Variants in LRP1B observed in about 807,000 individuals in gnomAD.
LRP1B encodes the protein low-density lipoprotein receptor-related protein 1B.
A neutral mutation model predicts 556.6 loss-of-function variants in LRP1B; 217 were observed. The ratio of observed to expected loss-of-function variants is 0.39; its 90% CI spans 0.35 to 0.44. The LOEUF (loss-of-function observed/expected upper bound fraction) is 0.44. LRP1B is among the 20% of genes least tolerant of loss of function. LRP1B has a pLI of 1.00. For missense variants in LRP1B, 5,053 were observed against 5,620.8 expected, an observed-to-expected ratio of 0.90 and a Z score of 3.23; for synonymous variants, 2,047 against 1,865.8, an observed-to-expected ratio of 1.10 and a Z score of -2.50.
intron 57 of LRP1B, among the ~76,000 whole-genome samples, chr2:140,488,261 G>C (rs1281823794): frequency 6.6e-6 from 1 of 151,942 alleles, no homozygotes; most frequent in Non-Finnish European, 1.5e-5. Flanking sequence ...CAATATAAAA[G>C]AGCTGCCTTT....
chr2:141,984,787 A>G (rs1417880261), intron 1 of LRP1B, among the ~76,000 whole-genome samples: 1 of 152,150 alleles, frequency 6.6e-6, no homozygotes, highest in Non-Finnish European at 1.5e-5. Context: ...AAAATCCAGT[A>G]TTTAATTTAT....
At chr2:141,331,386 C>T (rs1454178642) in intron 3 of LRP1B, among the ~76,000 whole-genome samples, 1 of 152,120 alleles carries the variant, frequency 6.6e-6, no homozygotes, top group Non-Finnish European at 1.5e-5. Context: ...CCCTCAAGTC[C>T]CATTGGGTTG....
chr2:141,753,264 A>G (rs749123364), intron 2 of LRP1B, among the ~76,000 whole-genome samples: 2 of 57,798 alleles, frequency 3.5e-5, no homozygotes, highest in East Asian at 5.7e-4. Context: ...CTCTCTCTCC[A>G]TATATATATA....
chr2:140,262,649 G>A (rs895932094), intron 86 of LRP1B, among the ~76,000 whole-genome samples: 2 of 152,086 alleles, frequency 1.3e-5, no homozygotes, highest in African/African-American at 4.8e-5. Flanking sequence ...AGACTGATGT[G>A]AGCAGAATAA....
intron 60 of LRP1B, among the ~76,000 whole-genome samples, chr2:140,468,936 C>A (rs951607554): frequency 2.6e-5 from 4 of 152,124 alleles, no homozygotes; most frequent in Non-Finnish European, 5.9e-5. Context: ...TCTGATTTTA[C>A]AGGTTCACAG....
At chr2:141,602,172 C>T (rs745695265) in intron 2 of LRP1B, among the ~76,000 whole-genome samples, 1 of 152,132 alleles carries the variant, frequency 6.6e-6, no homozygotes, top group Non-Finnish European at 1.5e-5. Context: ...ATAAGGAACC[C>T]TATTAGGTCT....
At chr2:141,955,596 G>A (rs1459751370) in intron 1 of LRP1B, among the ~76,000 whole-genome samples, 2 of 152,002 alleles carry the variant, frequency 1.3e-5, no homozygotes, top group African/African-American at 4.8e-5. Context: ...TCCTTGTCCT[G>A]GCTGCTCACT....
At chr2:141,452,894 A>G (rs1573961456) in intron 3 of LRP1B, among the ~76,000 whole-genome samples, 2 of 152,124 alleles carry the variant, frequency 1.3e-5, no homozygotes, top group African/African-American at 4.8e-5. Flanking sequence ...TTATTGGATG[A>G]CTATATTATT....
intron 41 of LRP1B, among the ~76,000 whole-genome samples, chr2:140,610,850 C>T (rs1462339225): frequency 2.0e-5 from 3 of 152,212 alleles, no homozygotes; most frequent in Non-Finnish European, 4.4e-5. Context: ...GGATTACAGG[C>T]GTGAGACACA....
chr2:140,591,759 C>T (rs1682236543), intron 43 of LRP1B, among the ~76,000 whole-genome samples: 1 of 152,208 alleles, frequency 6.6e-6, no homozygotes, highest in African/African-American at 2.4e-5. Context: ...TTATAATTAT[C>T]TGATCCTAGA....
chr2:142,083,942 T>C (rs975908144), intron 1 of LRP1B, among the ~76,000 whole-genome samples: 1 of 152,080 alleles, frequency 6.6e-6, no homozygotes, highest in African/African-American at 2.4e-5. Context: ...TGCTATATTT[T>C]ATATTTTCCA....
At chr2:141,329,655 A>AAAAAAACAAAAC (rs1687567060) in intron 3 of LRP1B, among the ~76,000 whole-genome samples, 2 of 138,076 alleles carry the variant, frequency 1.4e-5, no homozygotes, top group African/African-American at 5.6e-5. Flanking sequence ...AAAAAAAAAA[A>AAAAAAACAAAAC]AAAAAAAAAA....
intron 2 of LRP1B, among the ~76,000 whole-genome samples, chr2:141,553,946 T>C (rs1685857939): frequency 7.3e-6 from 1 of 137,182 alleles, no homozygotes. Flanking sequence ...TATATATCTA[T>C]ATTAATAGAT....
intron 1 of LRP1B, among the ~76,000 whole-genome samples, chr2:141,952,079 C>T (rs1701122633): frequency 6.7e-6 from 1 of 149,946 alleles, no homozygotes; most frequent in South Asian, 2.1e-4. Context: ...CAGTTCCCAC[C>T]TATGAGTGAG....
At chr2:141,159,309 ATAATT>A (rs1331814357) in intron 7 of LRP1B, among the ~76,000 whole-genome samples, 1 of 152,192 alleles carries the variant, frequency 6.6e-6, no homozygotes, top group African/African-American at 2.4e-5. Context: ...TGGAAGGAAA[ATAATT>A]TAATTAGGGC....
chr2:141,191,441 G>A (rs2105201393), intron 6 of LRP1B, among the ~76,000 whole-genome samples: 1 of 151,870 alleles, frequency 6.6e-6, no homozygotes, highest in Non-Finnish European at 1.5e-5. Context: ...TCTCTTAATA[G>A]TAAGACTAAC....
At chr2:141,599,066 C>CCCCCCCCCCG (rs1687638982) in intron 2 of LRP1B, among the ~76,000 whole-genome samples, 1 of 78,708 alleles carries the variant, frequency 1.3e-5, no homozygotes, top group Non-Finnish European at 2.4e-5. Flanking sequence ...CCCCCCCCCC[C>CCCCCCCCCCG]CCCCCCCCGC....
chr2:141,986,632 C>T (rs760048806), intron 1 of LRP1B, among the ~76,000 whole-genome samples: 1 of 151,890 alleles, frequency 6.6e-6, no homozygotes, highest in Non-Finnish European at 1.5e-5. Flanking sequence ...CAAGTTGTTT[C>T]CTCTGCCTTG....
At chr2:142,052,958 A>C (rs542225095) in intron 1 of LRP1B, among the ~76,000 whole-genome samples, 1 of 152,312 alleles carries the variant, frequency 6.6e-6, no homozygotes, top group East Asian at 1.9e-4. Context: ...ATGAATACAC[A>C]AAAGGAATCA....
Sources: allele counts gnomAD v4.1 joint callset (sites outside exome capture counted in the v4.1 genomes callset), GRCh38; gene constraint gnomAD v4.1.1; transcripts MANE v1.5; gene names NCBI Gene and HGNC (gene_info 2026-07-23, HGNC 2026-07-21).